BCAS1: variants seen among roughly 807,000 people sequenced by gnomAD.
BCAS1 encodes brain enriched myelin associated protein 1.
In BCAS1, 46 loss-of-function variants were observed where a neutral mutation model predicts 65.4. The observed-to-expected ratio is 0.70, with a 90% confidence interval of 0.55 to 0.90. BCAS1 has a LOEUF of 0.90. Ranked by LOEUF, BCAS1 falls within the 40% of genes least tolerant of loss-of-function variation. The pLI is 0.00. For missense variants in BCAS1, 793 were observed against 771.2 expected (o/e 1.03, Z -0.33); for synonymous variants, 298 against 293.5 (o/e 1.02, Z -0.16).
intron 3 of BCAS1, among the ~76,000 whole-genome samples, chr20:54,043,279 G>C (rs2092033226): frequency 1.3e-5 from 2 of 150,738 alleles, no homozygotes; most frequent in Non-Finnish European, 2.9e-5. Context: ...ATGTTTCATT[G>C]CTTGAAGCTA....
At chr20:54,063,724 C>T (rs1411373200) in intron 1 of BCAS1, among the ~76,000 whole-genome samples, 1 of 151,952 alleles carries the variant, frequency 6.6e-6, no homozygotes, top group African/African-American at 2.4e-5. Flanking sequence ...TTTTTAAATC[C>T]CCGTTTAATA....
chr20:54,066,367 C>T (rs290438), intron 1 of BCAS1, among the ~76,000 whole-genome samples: 13,606 of 152,254 alleles, frequency 0.089, 916 homozygotes, highest in African/African-American at 0.18. Context: ...CCACCGGGCC[C>T]GGCCGAGGCA....
At chr20:53,985,210 A>G (rs1600783812) in intron 8 of BCAS1, 77 bp downstream of exon 8, 4 of 1,387,262 alleles carry the variant, frequency 2.9e-6, no homozygotes, top group Non-Finnish European at 2.0e-6. Context: ...GTTGAGTACA[A>G]CAGTTAGCCC....
chr20:54,021,905 A>G (rs1202269695), intron 4 of BCAS1, among the ~76,000 whole-genome samples: 1 of 141,106 alleles, frequency 7.1e-6, no homozygotes. Flanking sequence ...CCCAGAACTT[A>G]AAATAAAAAT....
chr20:53,953,812 T>A, intron 11 of BCAS1, 117 bp from the exon 12 acceptor site: 1 of 1,218,542 alleles, frequency 8.2e-7, no homozygotes, highest in South Asian at 1.6e-5. Flanking sequence ...TACATTTTCA[T>A]GAATCCTAGG....
chr20:53,953,338 AAG>A, intron 12 of BCAS1, 92 bp downstream of exon 12: 1 of 1,478,180 alleles, frequency 6.8e-7, no homozygotes, highest in South Asian at 1.3e-5. Flanking sequence ...TCCCAGTGTG[AAG>A]AGCCACATGT....
intron 10 of BCAS1, among the ~76,000 whole-genome samples, chr20:53,966,104 C>T (rs538359365): frequency 1.3e-5 from 2 of 152,090 alleles, no homozygotes; most frequent in Non-Finnish European, 2.9e-5. Context: ...ATCCACTATT[C>T]GATCCAGCAA....
chr20:53,977,529 A>G (rs1045105107), intron 8 of BCAS1, among the ~76,000 whole-genome samples: 9 of 152,126 alleles, frequency 5.9e-5, no homozygotes, highest in South Asian at 4.1e-4. Flanking sequence ...TTGCAACAAG[A>G]CTAGTTTTTA....
chr20:53,990,645 C>G (rs2090732817), intron 7 of BCAS1, among the ~76,000 whole-genome samples: 1 of 152,092 alleles, frequency 6.6e-6, no homozygotes, highest in African/African-American at 2.4e-5. Context: ...CTGAGAGAAT[C>G]TGGCTGGTTA....
chr20:53,992,814 C>T (rs769663578), intron 6 of BCAS1, among the ~76,000 whole-genome samples, 168 bp from the exon 7 acceptor site: 9 of 152,040 alleles, frequency 5.9e-5, no homozygotes, highest in Non-Finnish European at 1.3e-4. Flanking sequence ...TTTTAAACTT[C>T]CATATTCACA....
In BCAS1 at chr20:54,028,982, C is replaced by T. The variant is rs2091742991; in HGVS notation, c.143-10G>A. On this transcript the variant is annotated splice_polypyrimidine_tract_variant and intron_variant, in intron 3 of 12. Coordinates refer to ENST00000688948, the MANE Select transcript of BCAS1 (RefSeq NM_001366298.2). ...CTTATTCCCAAGTCGACTGTAAACA[C>T]AAACATAAACAGTGGTTATTCAGCC... 6.3e-7 allele frequency: 1 copy of T among 1,596,160 alleles called. No homozygotes were observed. Among genetic ancestry groups the T allele is most frequent in the Non-Finnish European group, 8.5e-7 (1 of 1,172,160 alleles).
chr20:54,052,396 A>G (rs2092232084), intron 3 of BCAS1, among the ~76,000 whole-genome samples: 1 of 152,114 alleles, frequency 6.6e-6, no homozygotes, highest in Admixed American at 6.5e-5. Context: ...GTAGTATAAT[A>G]ATGTTGAGAT....
chr20:54,066,068 A>ATTTTT (rs1051455563), intron 1 of BCAS1, among the ~76,000 whole-genome samples: 2 of 146,032 alleles, frequency 1.4e-5, no homozygotes, highest in Non-Finnish European at 1.5e-5. Context: ...TGAGGCAGGT[A>ATTTTT]TTTTTTTTCT....
In BCAS1 at chr20:53,959,152, C is replaced by T. The variant is rs571998467; in HGVS notation, c.1486-1655G>A. ...TGTCACTCAGGCTGGAGTACAGCGG[C>T]ACAATCATCATTAACAGCAGCTTCA... On this transcript the variant is annotated intron_variant, in intron 10 of 12. Transcript: ENST00000688948. Among the ~76,000 whole-genome samples the T allele has an allele frequency of 2.6e-4, 39 of 152,206 alleles. No homozygotes were observed. In the South Asian group the frequency reaches 6.6e-3, roughly 26 times the overall value.
At chr20:54,026,877 C>A (rs546355212) in intron 4 of BCAS1, among the ~76,000 whole-genome samples, 5 of 152,372 alleles carry the variant, frequency 3.3e-5, no homozygotes, top group African/African-American at 1.2e-4. Context: ...CAGCACAGCA[C>A]TTGGCATCTT....
chr20:53,976,127 G>T (rs2090327612), intron 8 of BCAS1, among the ~76,000 whole-genome samples: 1 of 152,184 alleles, frequency 6.6e-6, no homozygotes, highest in Non-Finnish European at 1.5e-5. Flanking sequence ...CCCCAAGTGG[G>T]ATAGGAGTTA....
chr20:53,944,128 C>A lies in BCAS1; in HGVS notation c.*794G>T, dbSNP rs533436254. On this transcript the variant is annotated 3_prime_UTR_variant, in exon 13 of 13. Coordinates refer to ENST00000688948, the MANE Select transcript of BCAS1 (RefSeq NM_001366298.2). Reference sequence around the variant, plus strand: ...ACGCTTATTCATTCCTTTTTCTATACCCCACACATTCCGTTCTAGGAAATT... The same window carrying A: ...ACGCTTATTCATTCCTTTTTCTATAACCCACACATTCCGTTCTAGGAAATT... 4.6e-5 allele frequency: 7 copies of A among 152,104 alleles called. No individual in the cohort carries two copies. Among genetic ancestry groups the A allele is most frequent in the Non-Finnish European group, 1.0e-4 (7 of 68,020 alleles). The allele number at this position is 152,104 out of a possible 1,614,324, so 9.4% of individuals were successfully genotyped here.
At chr20:53,954,336 G>GAGAGAGAGAGAGAGAGAGAGA (rs1159772238) in intron 11 of BCAS1, among the ~76,000 whole-genome samples, 32 of 84,004 alleles carry the variant, frequency 3.8e-4, no homozygotes, top group African/African-American at 8.4e-4. Flanking sequence ...AGAGAGAGAG[G>GAGAGAGAGAGAGAGAGAGAGA]GACCAGGCAT....
chr20:53,992,161 CA>C (rs3216357), intron 7 of BCAS1, among the ~76,000 whole-genome samples: 59,675 of 151,886 alleles, frequency 0.39, 12,969 homozygotes, highest in East Asian at 0.62. Context: ...TTTAAAGATA[CA>C]ATTTAAATAG....
Sources: allele counts gnomAD v4.1 joint callset (sites outside exome capture counted in the v4.1 genomes callset), GRCh38; gene constraint gnomAD v4.1.1; transcripts MANE v1.5; gene names NCBI Gene and HGNC (gene_info 2026-07-23, HGNC 2026-07-21).